DCN: variants seen among roughly 807,000 people sequenced by gnomAD.
The protein encoded by DCN is bone proteoglycan II.
Under a neutral mutation model 36.5 loss-of-function variants are expected in DCN, and 17 were observed. That is an observed-to-expected ratio of 0.47 (90% CI 0.32 to 0.70). DCN has a LOEUF of 0.70. Among genes scored for constraint, DCN ranks in the 30% least tolerant of loss-of-function variants. The pLI is 0.04. For missense variants in DCN, 389 were observed against 430.1 expected (o/e 0.90, Z 0.84); for synonymous variants, 163 against 161.4 (o/e 1.01, Z -0.07).
In DCN at chr12:91,146,179, T is replaced by A; in HGVS notation, c.959A>T (p.Lys320Ile). 6.2e-7 allele frequency: 1 copy of A among 1,613,788 alleles called. No homozygotes were observed. Among genetic ancestry groups the A allele is most frequent in the Non-Finnish European group, 8.5e-7 (1 of 1,179,782 alleles). ...SDFCPPGHNT[K>I]KASYSGVSLF... ...ACTCACACCCGAATAAGAAGCCTTTTTGGTGTTGTGTCCAGGTGGGCAGAA... is the reference window on the plus strand; with the variant it reads ...ACTCACACCCGAATAAGAAGCCTTTATGGTGTTGTGTCCAGGTGGGCAGAA... Residue 320 changes from lysine to isoleucine, a missense_variant, in exon 8 of 8, where the codon AAA becomes ATA. Coordinates refer to ENST00000052754, the MANE Select transcript of DCN (RefSeq NM_001920.5).
rs1880758365 is a variant in DCN, at chr12:91,141,641, A to G, written c.*4417T>C. 1 of 152,194 alleles carries G rather than the reference A, an allele frequency of 6.6e-6. No homozygotes were observed. Among genetic ancestry groups the G allele is most frequent in the Non-Finnish European group, 1.5e-5 (1 of 68,042 alleles). The allele number at this position is 152,194 out of a possible 1,614,324, so 9.4% of individuals were successfully genotyped here. The stretch of plus-strand genomic sequence containing the variant: ...TAAATATTGGCTGAAAAAATGAAGT[A>G]ATATGTGCTAGTAGATATATCTGAT... On this transcript the variant is annotated 3_prime_UTR_variant, in exon 8 of 8. Transcript: ENST00000052754.
intron 2 of DCN, among the ~76,000 whole-genome samples, chr12:91,170,062 T>TAA (rs397850822): frequency 1.6e-5 from 2 of 124,830 alleles, no homozygotes; most frequent in Non-Finnish European, 1.7e-5. Context: ...AGACTCTGTC[T>TAA]AAAAAAAAAA....
rs1223758275 is a variant in DCN, at chr12:91,142,014, T to A, written c.*4044A>T. ...TTTTAATAAGTTTAGTGTTCTCCCT[T>A]TCTTGATTTTACTTTGTTTTCCACT... On this transcript the variant is annotated 3_prime_UTR_variant, in exon 8 of 8. Transcript: ENST00000052754. 2 of 152,228 alleles carry A rather than the reference T, an allele frequency of 1.3e-5. No homozygotes were observed. Among genetic ancestry groups the A allele is most frequent in the Non-Finnish European group, 2.9e-5 (2 of 68,038 alleles). The allele number at this position is 152,228 out of a possible 1,614,324, so 9.4% of individuals were successfully genotyped here. A position where few individuals can be genotyped will look rare whatever the true frequency, so the allele number is the denominator to read the frequency against.
chr12:91,148,458 C>G (rs1031522577), intron 7 of DCN, among the ~76,000 whole-genome samples: 1 of 151,938 alleles, frequency 6.6e-6, no homozygotes, highest in African/African-American at 2.4e-5. Context: ...TGGCTTATGT[C>G]TGTAATCTCA....
chr12:91,154,615 T>C (rs1881642229), intron 5 of DCN, among the ~76,000 whole-genome samples: 3 of 152,104 alleles, frequency 2.0e-5, no homozygotes, highest in Admixed American at 2.0e-4. Flanking sequence ...ATAGACAAAT[T>C]TGTAAAGTGC....
At chr12:91,165,152 C>A (rs978341844) in intron 2 of DCN, among the ~76,000 whole-genome samples, 1 of 152,176 alleles carries the variant, frequency 6.6e-6, no homozygotes, top group African/African-American at 2.4e-5. Flanking sequence ...TAATAAAGAT[C>A]TTTTTGATAC....
chr12:91,148,228 C>A (rs986920370), intron 7 of DCN, among the ~76,000 whole-genome samples: 3 of 151,994 alleles, frequency 2.0e-5, no homozygotes, highest in African/African-American at 7.2e-5. Flanking sequence ...CGCCCACCAC[C>A]ACGCCCGGCT....
At position 91,144,135 on chromosome 12, in the gene DCN, G is replaced by C. The variant is rs1880876828; in HGVS notation, c.*1923C>G. 6.6e-6 allele frequency: 1 copy of C among 152,116 alleles called. No homozygotes were observed. 9.4% of individuals were successfully genotyped at this position (152,116 alleles called of 1,614,324 possible). On this transcript the variant is annotated 3_prime_UTR_variant, in exon 8 of 8. Coordinates refer to ENST00000052754, the MANE Select transcript of DCN (RefSeq NM_001920.5). ...CATAAGAGAAAGGCTGCAGCATAAA[G>C]GGTATATCATTCAAGGCTATAACAT... is the stretch of plus-strand genomic sequence containing the variant.
intron 1 of DCN, chr12:91,179,853 A>C: frequency 6.6e-6 from 1 of 152,214 alleles, no homozygotes; most frequent in Non-Finnish European, 1.5e-5. Context: ...ACACATATGG[A>C]AAATTCTGAT....
rs1880750140 is a variant in DCN, at chr12:91,141,371, A to G, written c.*4687T>C. 1 of 152,138 alleles carries G rather than the reference A, an allele frequency of 6.6e-6. No individual in the cohort carries two copies. The highest frequency in any genetic ancestry group is 1.5e-5 in the Non-Finnish European group (1 of 68,106). 9.4% of individuals were successfully genotyped at this position (152,138 alleles called of 1,614,324 possible). Reference sequence around the variant, plus strand: ...CCTCTTTTCTTGGCTTGCTCCCTTCAGTTCTTCATCTCCCTGCTCAAATGT... The same window carrying G: ...CCTCTTTTCTTGGCTTGCTCCCTTCGGTTCTTCATCTCCCTGCTCAAATGT... On this transcript the variant is annotated 3_prime_UTR_variant, in exon 8 of 8. Coordinates refer to ENST00000052754, the MANE Select transcript of DCN (RefSeq NM_001920.5).
At position 91,172,201 on chromosome 12, in the gene DCN, T is replaced by C. The variant is rs1042103739; in HGVS notation, c.211+6141A>G. ...GTTATCCCAATGATGAATAGTATTG[T>C]TATGCTAGAAAATGTCAGCAATCTG... On this transcript the variant is annotated intron_variant, in intron 2 of 7. Coordinates refer to ENST00000052754, the MANE Select transcript of DCN (RefSeq NM_001920.5). 12 of 152,476 alleles carry C rather than the reference T, an allele frequency of 7.9e-5. 1 individual carries two copies. In the East Asian group the frequency reaches 2.1e-3, roughly 27 times the overall value. 9.4% of individuals were successfully genotyped at this position (152,476 alleles called of 1,614,324 possible).
Position 91,143,074 on chromosome 12 carries a change from T to TGA in DCN, c.*2982_*2983dup, listed in dbSNP as rs1388950631. The TGA allele has an allele frequency of 6.6e-6, 1 of 152,078 alleles. No individual in the cohort carries two copies. Among genetic ancestry groups the TGA allele is most frequent in the East Asian group, 1.9e-4 (1 of 5,174 alleles). The allele number at this position is 152,078 out of a possible 1,614,324, so 9.4% of individuals were successfully genotyped here. On this transcript the variant is annotated 3_prime_UTR_variant, in exon 8 of 8. Coordinates refer to ENST00000052754, the MANE Select transcript of DCN (RefSeq NM_001920.5). ...GAAGAAGAGAAAAGACACAAACACA[T>TGA]GAGAGAGAAGGCCATGTGAGGGTGA...
At chr12:91,147,822 A>G (rs538943107) in intron 7 of DCN, among the ~76,000 whole-genome samples, 32 of 152,314 alleles carry the variant, frequency 2.1e-4, no homozygotes, top group African/African-American at 7.2e-4. Context: ...ATTTTACGTA[A>G]TACGTTTTAC....
At chr12:91,148,038 A>C (rs1881142139) in intron 7 of DCN, among the ~76,000 whole-genome samples, 1 of 152,084 alleles carries the variant, frequency 6.6e-6, no homozygotes, top group Admixed American at 6.5e-5. Context: ...AAATCATACA[A>C]GCAAGGTTAG....
chr12:91,168,287 C>T (rs1316962224), intron 2 of DCN, among the ~76,000 whole-genome samples: 2 of 152,130 alleles, frequency 1.3e-5, no homozygotes, highest in Non-Finnish European at 2.9e-5. Flanking sequence ...ATTTCTATTT[C>T]CATTCTAACA....
intron 7 of DCN, among the ~76,000 whole-genome samples, chr12:91,150,388 T>C (rs1433761208): frequency 6.6e-6 from 1 of 152,244 alleles, no homozygotes; most frequent in Admixed American, 6.5e-5. Flanking sequence ...ATACTAGGAT[T>C]ATCTCAAAAT....
At chr12:91,153,221 C>T (rs781235223) in intron 5 of DCN, 32 bp from the exon 6 acceptor site, 1 of 1,196,194 alleles carries the variant, frequency 8.4e-7, no homozygotes, top group South Asian at 1.2e-5. Flanking sequence ...GTTAAATTAG[C>T]AGATAAACAT....
chr12:91,144,098 C>T lies in DCN; in HGVS notation c.*1960G>A, dbSNP rs1880872019. The T allele has an allele frequency of 6.6e-6, 1 of 152,068 alleles. No homozygotes were observed. Among genetic ancestry groups the T allele is most frequent in the Admixed American group, 6.6e-5 (1 of 15,250 alleles). 9.4% of individuals were successfully genotyped at this position (152,068 alleles called of 1,614,324 possible). A position where few individuals can be genotyped will look rare whatever the true frequency, so the allele number is the denominator to read the frequency against. ...TGTCAGTTAAGCAGCAGGATATCTG[C>T]AGGCTTTTCCCCATAAGAGAAAGGC... On this transcript the variant is annotated 3_prime_UTR_variant, in exon 8 of 8. Transcript: ENST00000052754.
chr12:91,149,876 G>A (rs1881292498), intron 7 of DCN, among the ~76,000 whole-genome samples: 2 of 152,022 alleles, frequency 1.3e-5, no homozygotes, highest in Admixed American at 1.3e-4. Flanking sequence ...AGAATTGCAA[G>A]GCATGTATGC....
Sources: gnomAD v4.1 joint callset for allele counts (sites outside exome capture counted in the v4.1 genomes callset) on GRCh38, gnomAD v4.1.1 for gene constraint, MANE v1.5 for transcripts, NCBI Gene and HGNC (gene_info 2026-07-23, HGNC 2026-07-21) for gene names.